EPB41: variants seen among roughly 807,000 people sequenced by gnomAD.
The protein encoded by EPB41 is erythrocyte membrane protein band 4.1, also known as protein 4.1.
Under a neutral mutation model 108.0 loss-of-function variants are expected in EPB41, and 65 were observed. The observed-to-expected ratio is 0.60, with a 90% CI of 0.49 to 0.74. The LOEUF (loss-of-function observed/expected upper bound fraction) is 0.74. Ranked by LOEUF, EPB41 falls within the 30% of genes least tolerant of loss-of-function variation. The pLI is 0.00. For missense variants in EPB41, 875 were observed against 1,037.0 expected, an observed-to-expected ratio of 0.84 and a Z score of 2.15; for synonymous variants, 336 against 358.9, an observed-to-expected ratio of 0.94 and a Z score of 0.72.
At chr1:29,076,505 C>T (rs1654132399) in intron 16 of EPB41, among the ~76,000 whole-genome samples, 1 of 152,118 alleles carries the variant, frequency 6.6e-6, no homozygotes, top group African/African-American at 2.4e-5. Flanking sequence ...AGCACACTAC[C>T]AAAGCCTGCA....
rs995428093 is a variant in EPB41, at chr1:28,892,797, CTTTTTT to C, written c.-8+5606_-8+5611del. ...AGTGAAGTCAGGATTTTCCCAGGTT[CTTTTTT>C]TTTTTTTTTTTTTTTTTTGAGACAG... is the stretch of plus-strand genomic sequence containing the variant. On this transcript the variant is annotated intron_variant, in intron 1 of 16. Transcript: ENST00000347529. Among the ~76,000 whole-genome samples the C allele has an allele frequency of 2.1e-3, 187 of 87,234 alleles. 1 individual carries two copies. Among genetic ancestry groups the C allele is most frequent in the Admixed American group, 4.0e-3 (29 of 7,226 alleles). The allele number at this position is 87,234 out of a possible 152,430, so 57.2% of individuals were successfully genotyped here.
intron 1 of EPB41, among the ~76,000 whole-genome samples, chr1:28,917,953 TAG>T (rs1384240528): frequency 2.0e-5 from 3 of 152,086 alleles, no homozygotes; most frequent in Admixed American, 6.6e-5. Context: ...GTGTGAATGA[TAG>T]AGTTTGCTTA....
chr1:28,951,530 C>G (rs2094721232), intron 1 of EPB41, among the ~76,000 whole-genome samples: 1 of 152,058 alleles, frequency 6.6e-6, no homozygotes, highest in Non-Finnish European at 1.5e-5. Flanking sequence ...CAGAAGTTGT[C>G]CAGGAAAAAG....
intron 1 of EPB41, among the ~76,000 whole-genome samples, chr1:28,941,922 A>G (rs2094306029): frequency 6.6e-6 from 1 of 151,100 alleles, no homozygotes; most frequent in Non-Finnish European, 1.5e-5. Context: ...AAAAGCAAAA[A>G]CCTTTCTCCC....
intron 11 of EPB41, among the ~76,000 whole-genome samples, chr1:29,044,920 A>G (rs1642716495): frequency 6.6e-6 from 1 of 152,218 alleles, no homozygotes; most frequent in Non-Finnish European, 1.5e-5. Flanking sequence ...TTTGTTATAA[A>G]TCAGGTGACC....
Position 29,060,400 on chromosome 1 carries a change from T to G in EPB41, c.1945-22T>G, listed in dbSNP as rs775349742. 2.4e-5 allele frequency: 39 copies of G among 1,609,014 alleles called. No homozygotes were observed. In the South Asian group the frequency reaches 4.0e-4, roughly 16 times the overall value. On this transcript the variant is annotated intron_variant, in intron 14 of 20. Coordinates refer to ENST00000343067, the MANE Select transcript of EPB41 (RefSeq NM_001376013.1). ...TTTTAATTTTTTATGCTTTTCTGTTTTCCCCCCTTTCATTTTCACAGAAAA... is the reference window on the plus strand; with the variant it reads ...TTTTAATTTTTTATGCTTTTCTGTTGTCCCCCCTTTCATTTTCACAGAAAA...
At chr1:29,043,195 A>G (rs1642143626) in intron 11 of EPB41, among the ~76,000 whole-genome samples, 1 of 152,202 alleles carries the variant, frequency 6.6e-6, no homozygotes, top group South Asian at 2.1e-4. Context: ...GATATAGACT[A>G]TCTGGGGATG....
chr1:28,912,678 A>G (rs985732864), upstream of EPB41, among the ~76,000 whole-genome samples: 1 of 150,812 alleles, frequency 6.6e-6, no homozygotes, highest in Non-Finnish European at 1.5e-5. Flanking sequence ...GTTCAATGGC[A>G]TGATCTCGGC....
chr1:29,108,444 G>A (rs1009344008), intron 17 of EPB41, among the ~76,000 whole-genome samples: 6 of 151,988 alleles, frequency 3.9e-5, no homozygotes, highest in Admixed American at 6.6e-5. Context: ...CACCGTGCCC[G>A]GCCCCTGCCT....
At position 28,887,656 on chromosome 1, in the gene EPB41, G is replaced by T. The variant is rs916667242; in HGVS notation, c.-8+446G>T. On this transcript the variant is annotated intron_variant, in intron 1 of 16. Coordinates refer to the EPB41 transcript ENST00000347529. This position sits in a 1 kb window ranked among gnomAD's most constrained non-coding sequence, Gnocchi z 4.9. ...CGGGCTGGCGGCTAGCAGCGGGAGG[G>T]GGCTCCGGGGCCTGGAGCCCCGCGC... 198 of 985,152 alleles carry T rather than the reference G, an allele frequency of 2.0e-4. No individual in the cohort carries two copies. Among genetic ancestry groups the T allele is most frequent in the Non-Finnish European group, 2.3e-4 (195 of 829,864 alleles). 61.0% of individuals were successfully genotyped at this position (985,152 alleles called of 1,614,324 possible).
intron 1 of EPB41, among the ~76,000 whole-genome samples, chr1:28,899,869 G>A (rs1256508629): frequency 6.6e-6 from 1 of 152,158 alleles, no homozygotes; most frequent in Non-Finnish European, 1.5e-5. Context: ...AGAGACTTTG[G>A]TTTAAATCCC....
chr1:29,062,428 G>A (rs1001725247), intron 15 of EPB41, among the ~76,000 whole-genome samples: 7 of 152,200 alleles, frequency 4.6e-5, no homozygotes, highest in African/African-American at 1.7e-4. Flanking sequence ...ACAGCCCTGA[G>A]AGGGGATTTC....
At chr1:29,061,294 G>C (rs1646474055) in intron 15 of EPB41, among the ~76,000 whole-genome samples, 2 of 151,956 alleles carry the variant, frequency 1.3e-5, no homozygotes, top group African/African-American at 4.8e-5. Flanking sequence ...TTTTGAGACA[G>C]AGTCTCGCTC....
upstream of EPB41, among the ~76,000 whole-genome samples, chr1:28,911,927 G>A (rs2148009390): frequency 6.6e-6 from 1 of 152,224 alleles, no homozygotes; most frequent in Non-Finnish European, 1.5e-5. Flanking sequence ...TGTAATCCCA[G>A]CTACTCACGA....
intron 1 of EPB41, among the ~76,000 whole-genome samples, chr1:28,966,560 A>G (rs1322414386): frequency 1.3e-5 from 2 of 152,212 alleles, no homozygotes; most frequent in Non-Finnish European, 1.5e-5. Context: ...TCAAGTAAAA[A>G]CCATATAGTA....
intron 9 of EPB41, among the ~76,000 whole-genome samples, chr1:29,035,579 GAA>G (rs796270560): frequency 3.0e-5 from 4 of 132,724 alleles, no homozygotes; most frequent in Non-Finnish European, 4.9e-5. Flanking sequence ...GTGTTTTCTG[GAA>G]AAAAAAAAAA....
intron 12 of EPB41, among the ~76,000 whole-genome samples, chr1:29,057,664 A>G (rs1011532952): frequency 6.6e-6 from 1 of 152,162 alleles, no homozygotes; most frequent in Non-Finnish European, 1.5e-5. Flanking sequence ...AAAATAATCA[A>G]TTTTTTAATT....
chr1:29,098,258 A>C (rs1448633811), intron 17 of EPB41, among the ~76,000 whole-genome samples: 3 of 151,520 alleles, frequency 2.0e-5, no homozygotes, highest in Non-Finnish European at 4.4e-5. Context: ...GCAGTGGCGC[A>C]ATCTCGGCTC....
chr1:28,904,729 C>G (rs889696104), intron 1 of EPB41, among the ~76,000 whole-genome samples: 1 of 151,862 alleles, frequency 6.6e-6, no homozygotes, highest in Non-Finnish European at 1.5e-5. Context: ...AAAACCTTGT[C>G]TCTACTAAAA....
Sources: gnomAD v4.1 joint callset for allele counts (sites outside exome capture counted in the v4.1 genomes callset) on GRCh38, gnomAD v4.1.1 for gene constraint, Gnocchi (gnomAD v3.1) non-coding constraint, MANE v1.5 for transcripts, NCBI Gene and HGNC (gene_info 2026-07-23, HGNC 2026-07-21) for gene names.